ABCG5: variants seen among roughly 807,000 people sequenced by gnomAD.
ABCG5 encodes ATP-binding cassette sub-family G member 5.
A neutral mutation model predicts 64.5 loss-of-function variants in ABCG5; 64 were observed. That is an observed-to-expected ratio of 0.99 (90% CI 0.81 to 1.22). The LOEUF (loss-of-function observed/expected upper bound fraction) is 1.22, where lower values mean the gene tolerates loss of function less well. Among genes scored for constraint, ABCG5 ranks in the 50% most tolerant of loss-of-function variants. The probability of loss-of-function intolerance (pLI) is 0.00; values close to 1 mark genes in which losing one functional copy is unlikely to be tolerated. For synonymous variants in ABCG5, 385 were observed against 326.3 expected, an observed-to-expected ratio of 1.18 and a Z score of -1.94; for missense variants, 908 against 829.5, an observed-to-expected ratio of 1.09 and a Z score of -1.16.
chr2:43,806,542 T>G, the ABCG5 span, among the ~76,000 whole-genome samples: 1 of 152,210 alleles, frequency 6.6e-6, no homozygotes, highest in Non-Finnish European at 1.5e-5. Flanking sequence ...GAAAATGACC[T>G]TATGTAACCC....
intron 2 of ABCG5, among the ~76,000 whole-genome samples, chr2:43,837,188 C>G (rs1357555269): frequency 2.7e-5 from 4 of 148,618 alleles, no homozygotes; most frequent in Non-Finnish European, 1.5e-5. Context: ...GGCACTATCT[C>G]AGCTCACTGA....
chr2:43,838,070 C>CCTAA lies in ABCG5; in HGVS notation c.144-119_144-116dup. ...CACCCCAGTAGTCTCCGGACAGGCT[C>CCTAA]CTAACGTGTTTCAGTCTCTGCGCCC... On this transcript the variant is annotated intron_variant, in intron 1 of 12. Coordinates refer to ENST00000405322, the MANE Select transcript of ABCG5 (RefSeq NM_022436.3). The surrounding 1 kb of genome is among the most constrained non-coding windows in gnomAD (Gnocchi z 4.2). 1 of 1,442,624 alleles carries CCTAA rather than the reference C, an allele frequency of 6.9e-7. No homozygotes were observed. 89.4% of individuals were successfully genotyped at this position (1,442,624 alleles called of 1,614,324 possible). A position where few individuals can be genotyped will look rare whatever the true frequency, so the allele number is the denominator to read the frequency against.
In ABCG5 at chr2:43,828,074, T is replaced by G. The variant is rs767751451; in HGVS notation, c.543A>C (p.Ala181=). Residue 181 remains alanine, a synonymous_variant, in exon 5 of 13, where the codon GCA becomes GCC. Transcript: ENST00000405322. ...AGCTGTAGTTGCCAATCAGTCGGTC[T>G]GCCACATGGCTCAGACTCAGCTCTG... ...VMAELSLSHV[A]DRLIGNYSLG... The G allele has an allele frequency of 6.2e-6, 10 of 1,614,014 alleles. No homozygotes were observed. The East Asian group carries it at 1.8e-4, about 29-fold the overall frequency.
At chr2:43,836,103 A>AT (rs1055979479) in intron 2 of ABCG5, among the ~76,000 whole-genome samples, 22 of 148,566 alleles carry the variant, frequency 1.5e-4, no homozygotes, top group South Asian at 4.3e-4. Flanking sequence ...GGCCTGGCTA[A>AT]TTTTTTTTTT....
At chr2:43,829,114 C>T (rs961883081) in intron 4 of ABCG5, among the ~76,000 whole-genome samples, 1 of 152,156 alleles carries the variant, frequency 6.6e-6, no homozygotes, top group African/African-American at 2.4e-5. Flanking sequence ...CACTGCAGCC[C>T]ATACAGAAAA....
chr2:43,833,767 C>T (rs1348054156), intron 2 of ABCG5, among the ~76,000 whole-genome samples: 1 of 152,182 alleles, frequency 6.6e-6, no homozygotes, highest in African/African-American at 2.4e-5. Flanking sequence ...TCACTGCAAC[C>T]GCTGTCTCCC....
At chr2:43,807,743 C>CAA (rs536977133), downstream of ABCG5, among the ~76,000 whole-genome samples, 198 of 41,646 alleles carry the variant, frequency 4.8e-3, 7 homozygotes, top group Middle Eastern at 0.026. Context: ...TTTGTTAAAG[C>CAA]AAAAAAAAAA....
chr2:43,807,531 C>T (rs1170322320), downstream of ABCG5, among the ~76,000 whole-genome samples: 1 of 151,980 alleles, frequency 6.6e-6, no homozygotes, highest in East Asian at 1.9e-4. Flanking sequence ...CCTTGAACTC[C>T]AGGGCTCAAG....
At chr2:43,833,578 G>A (rs1668082432) in intron 2 of ABCG5, among the ~76,000 whole-genome samples, 1 of 151,912 alleles carries the variant, frequency 6.6e-6, no homozygotes, top group Admixed American at 6.6e-5. Context: ...TAGAGATGGG[G>A]TTTCACTGCA....
At chr2:43,817,980 C>G (rs1666953759) in intron 11 of ABCG5, among the ~76,000 whole-genome samples, 1 of 152,166 alleles carries the variant, frequency 6.6e-6, no homozygotes, top group South Asian at 2.1e-4. Context: ...TTAGCCTGGT[C>G]TACCTTAAAT....
In ABCG5 at chr2:43,826,426, T is replaced by G; in HGVS notation, c.730A>C (p.Ile244Leu). The G allele has an allele frequency of 6.2e-7, 1 of 1,614,058 alleles. No homozygotes were observed. Among genetic ancestry groups the G allele is most frequent in the Non-Finnish European group, 8.5e-7 (1 of 1,180,014 alleles). Reference sequence around the variant, plus strand: ...GGCTGGTGAATGGTGAGAACCACAATTCGGTTCCTGCGAGCCAGTTCCACC... The same window carrying G: ...GGCTGGTGAATGGTGAGAACCACAAGTCGGTTCCTGCGAGCCAGTTCCACC... Reference protein sequence around the residue: ...LLVELARRNRIVVLTIHQPRS... With the variant: ...LLVELARRNRLVVLTIHQPRS... The change falls in exon 6 of 13, where the codon ATT (isoleucine) becomes CTT (leucine). Residue 244 changes from isoleucine (I) to leucine (L), a missense_variant. Transcript: ENST00000405322.
chr2:43,838,008 C>G lies in ABCG5; in HGVS notation c.144-53G>C. The stretch of plus-strand genomic sequence containing the variant: ...GGCAGCTTGGGGCCCTGGAAGGGGC[C>G]ACACCCAGGTCCCCAGCATTGATCC... On this transcript the variant is annotated intron_variant, in intron 1 of 12. Coordinates refer to ENST00000405322, the MANE Select transcript of ABCG5 (RefSeq NM_022436.3). This position sits in a 1 kb window ranked among gnomAD's most constrained non-coding sequence, Gnocchi z 4.2. The G allele has an allele frequency of 1.9e-6, 3 of 1,611,734 alleles. No individual in the cohort carries two copies. In the South Asian group the frequency reaches 3.3e-5, roughly 18 times the overall value.
chr2:43,824,732 A>T, intron 7 of ABCG5, 157 bp downstream of exon 7: 2 of 920,422 alleles, frequency 2.2e-6, no homozygotes, highest in Non-Finnish European at 2.6e-6. Flanking sequence ...CATCTCTGGC[A>T]AGTTCATTGA....
At chr2:43,835,859 A>G (rs991161424) in intron 2 of ABCG5, among the ~76,000 whole-genome samples, 4 of 152,044 alleles carry the variant, frequency 2.6e-5, no homozygotes, top group African/African-American at 9.7e-5. Context: ...GTGAGAAAAA[A>G]ATTTCTGCTT....
intron 2 of ABCG5, among the ~76,000 whole-genome samples, chr2:43,837,222 C>T (rs1017745051): frequency 2.7e-5 from 4 of 150,766 alleles, no homozygotes; most frequent in Admixed American, 2.6e-4. Context: ...TGGGCTCAAG[C>T]AATCCTCCCA....
rs142019608 is a variant in ABCG5, at chr2:43,826,395, G to A, written c.761C>T (p.Ser254Phe). ...TGAACCTCTTACCTGAAAAAGCTCA[G>A]AACGGGGCTGGTGAATGGTGAGAAC... is the stretch of plus-strand genomic sequence containing the variant. The part of the protein sequence containing the change: ...IVVLTIHQPR[S>F]ELFQLFDKIA... Residue 254 changes from serine to phenylalanine, a missense_variant, in exon 6 of 13, where the codon TCT becomes TTT. Coordinates refer to ENST00000405322, the MANE Select transcript of ABCG5 (RefSeq NM_022436.3). The A allele has an allele frequency of 6.2e-7, 1 of 1,613,912 alleles. No individual in the cohort carries two copies. Among genetic ancestry groups the A allele is most frequent in the Non-Finnish European group, 8.5e-7 (1 of 1,180,012 alleles).
At chr2:43,819,174 T>C (rs1203719497) in intron 11 of ABCG5, among the ~76,000 whole-genome samples, 1 of 152,182 alleles carries the variant, frequency 6.6e-6, no homozygotes, top group Non-Finnish European at 1.5e-5. Context: ...TCATGTTTCC[T>C]TGGGGACCCA....
chr2:43,827,046 C>T (rs1490924708), intron 5 of ABCG5, among the ~76,000 whole-genome samples: 7 of 152,156 alleles, frequency 4.6e-5, no homozygotes, highest in African/African-American at 1.7e-4. Flanking sequence ...ACAAGGGGGC[C>T]GGGCGCGGTG....
Position 43,826,420 on chromosome 2 carries a change from C to T in ABCG5, c.736G>A (p.Val246Ile). ...GAACGGGGCTGGTGAATGGTGAGAA[C>T]CACAATTCGGTTCCTGCGAGCCAGT... is the stretch of plus-strand genomic sequence containing the variant. ...VELARRNRIV[V>I]LTIHQPRSEL... Residue 246 changes from valine (V) to isoleucine (I), a missense_variant, in exon 6 of 13, where the codon GTT (valine) becomes ATT (isoleucine). By Grantham distance (29) the Val-to-Ile change is conservative. Transcript: ENST00000405322. 6.2e-7 allele frequency: 1 copy of T among 1,614,042 alleles called. No homozygotes were observed. Among genetic ancestry groups the T allele is most frequent in the Non-Finnish European group, 8.5e-7 (1 of 1,180,018 alleles).
Sources: allele counts gnomAD v4.1 joint callset (sites outside exome capture counted in the v4.1 genomes callset), GRCh38; gene constraint gnomAD v4.1.1; non-coding constraint Gnocchi (gnomAD v3.1); transcripts MANE v1.5; gene names NCBI Gene and HGNC (gene_info 2026-07-23, HGNC 2026-07-21).